Variants in SLC30A10 observed in about 807,000 individuals in gnomAD.
SLC30A10 encodes the protein solute carrier family 30 member 10, also known as calcium/manganese antiporter SLC30A10.
A neutral mutation model predicts 21.7 loss-of-function variants in SLC30A10; 8 were observed. The ratio of observed to expected loss-of-function variants is 0.37; its 90% CI spans 0.22 to 0.67. SLC30A10 has a LOEUF of 0.67. SLC30A10 is among the 30% of genes least tolerant of loss of function. The pLI, the probability that SLC30A10 is intolerant of heterozygous loss-of-function variation, is 0.58. For synonymous variants in SLC30A10, 272 were observed against 279.4 expected, an observed-to-expected ratio of 0.97 and a Z score of 0.26; for missense variants, 521 against 642.5, an observed-to-expected ratio of 0.81 and a Z score of 2.04.
chr1:219,922,589 C>T (rs1303535958), intron 2 of SLC30A10, among the ~76,000 whole-genome samples: 1 of 152,230 alleles, frequency 6.6e-6, no homozygotes, highest in East Asian at 1.9e-4. Flanking sequence ...GACGCTGTTG[C>T]TATGAGCCAA....
intron 1 of SLC30A10, among the ~76,000 whole-genome samples, chr1:219,951,066 T>A (rs906516310): frequency 1.3e-5 from 2 of 152,164 alleles, no homozygotes; most frequent in African/African-American, 4.8e-5. Context: ...GCTCAGGTGA[T>A]CCTCCCACCT....
upstream of SLC30A10, among the ~76,000 whole-genome samples, chr1:219,932,772 G>A (rs1053080776): frequency 7.1e-6 from 1 of 141,100 alleles, no homozygotes. Flanking sequence ...TTAAAAATGA[G>A]GTAGTGAGGC....
At chr1:219,928,587 A>C, upstream of SLC30A10, 4 of 616,356 alleles carry the variant, frequency 6.5e-6, no homozygotes, top group Non-Finnish European at 7.5e-6. The surrounding 1 kb of genome is among the most constrained non-coding windows in gnomAD (Gnocchi z 6.3). Flanking sequence ...ACCGCTTTTT[A>C]TAACGCGAGG....
At position 219,918,286 on chromosome 1, in the gene SLC30A10, C is replaced by G; in HGVS notation, c.927G>C (p.Met309Ile). ...IKETAAILLQ[M>I]VPKGVNMEEL... ...CTTCCATGTTGACTCCTTTTGGGAC[C>G]ATCTGTAGCAGAATGGCAGCGGTCT... Residue 309 changes from methionine to isoleucine, a missense_variant, in exon 3 of 4, where the codon ATG becomes ATC. By Grantham distance (10) the Met-to-Ile change is conservative. Transcript: ENST00000366926. This position sits in a 1 kb window ranked among gnomAD's most constrained non-coding sequence, Gnocchi z 4.4. 6.2e-7 allele frequency: 1 copy of G among 1,614,002 alleles called. No homozygotes were observed. The highest frequency in any genetic ancestry group is 1.1e-5 in the South Asian group (1 of 91,064).
At chr1:219,958,220 T>C (rs1336175458) in intron 1 of SLC30A10, among the ~76,000 whole-genome samples, 2 of 152,036 alleles carry the variant, frequency 1.3e-5, no homozygotes, top group Non-Finnish European at 2.9e-5. Context: ...TAAACAACAG[T>C]GAATCACTTA....
At chr1:219,937,239 C>T (rs1660058747) in intron 1 of SLC30A10, among the ~76,000 whole-genome samples, 1 of 152,156 alleles carries the variant, frequency 6.6e-6, no homozygotes. Context: ...TATTTGTCCT[C>T]AGGCTTTTTC....
At position 219,925,648 on chromosome 1, in the gene SLC30A10, TATA is replaced by T. The variant is rs1294618622; in HGVS notation, c.718+1377_718+1379del. Among the ~76,000 whole-genome samples, 220 of 64,352 alleles carry T rather than the reference TATA, an allele frequency of 3.4e-3. 2 individuals are homozygous for T. The highest frequency in any genetic ancestry group is 0.011 in the African/African-American group (139 of 12,894). The allele number at this position is 64,352 out of a possible 152,430, so 42.2% of individuals were successfully genotyped here. On this transcript the variant is annotated intron_variant, in intron 2 of 3. Transcript: ENST00000366926. ...GTGTGTGTACATATATATATATATATATATTTTTTTTTTTTTTTTTTTTTTGAG... is the reference window on the plus strand; with the variant it reads ...GTGTGTGTACATATATATATATATATTTTTTTTTTTTTTTTTTTTTTTGAG...
rs1659590435 is a variant in SLC30A10 at position 219,918,122 on chromosome 1, A to G, written c.958+133T>C. On this transcript the variant is annotated intron_variant, in intron 3 of 3. Coordinates refer to ENST00000366926, the MANE Select transcript of SLC30A10 (RefSeq NM_018713.3). The surrounding 1 kb of genome is among the most constrained non-coding windows in gnomAD (Gnocchi z 4.4). ...TTAATAGGCTATAAAACATATGATG[A>G]CATCTCTACCACCTGGTGATTTAAG... 8.5e-7 allele frequency: 1 copy of G among 1,182,022 alleles called. No individual in the cohort carries two copies. The allele number at this position is 1,182,022 out of a possible 1,614,324, so 73.2% of individuals were successfully genotyped here.
At chr1:219,927,234 C>T (rs1238602136) in intron 1 of SLC30A10, 129 bp from the exon 2 acceptor site, 9 of 887,704 alleles carry the variant, frequency 1.0e-5, no homozygotes, top group Middle Eastern at 3.2e-4. Flanking sequence ...TTCTGCACAC[C>T]CACAGCTCAG....
At chr1:219,940,483 G>A (rs1660106445) in intron 1 of SLC30A10, among the ~76,000 whole-genome samples, 1 of 152,086 alleles carries the variant, frequency 6.6e-6, no homozygotes, top group Non-Finnish European at 1.5e-5. Context: ...TAAAACAATT[G>A]CTATTTTATG....
intron 2 of SLC30A10, among the ~76,000 whole-genome samples, chr1:219,919,725 G>A (rs1454099741): frequency 2.0e-5 from 3 of 150,028 alleles, no homozygotes; most frequent in South Asian, 2.1e-4. Context: ...GCAGTGAGCC[G>A]AGATAGTGCC....
chr1:219,922,414 T>G (rs1659718982), intron 2 of SLC30A10, among the ~76,000 whole-genome samples: 1 of 151,572 alleles, frequency 6.6e-6, no homozygotes, highest in Non-Finnish European at 1.5e-5. Context: ...AGGTAGGTAA[T>G]TTGGGCAGGA....
Position 219,927,675 on chromosome 1 carries a change from CAACA to C in SLC30A10, c.640+122_640+125del, listed in dbSNP as rs1255249150. ...AAAAAAAAAAAAAAAAAAACAACAA[CAACA>C]AAAAAAAAAAAACAGAAAAAAAGCA... On this transcript the variant is annotated intron_variant, in intron 1 of 3. Transcript: ENST00000366926. The C allele has an allele frequency of 3.2e-5, 13 of 404,688 alleles. No individual in the cohort carries two copies. In the African/African-American group the frequency reaches 3.5e-4, roughly 11 times the overall value. The allele number at this position is 404,688 out of a possible 1,614,324, so 25.1% of individuals were successfully genotyped here. A position where few individuals can be genotyped will look rare whatever the true frequency, so the allele number is the denominator to read the frequency against.
intron 1 of SLC30A10, among the ~76,000 whole-genome samples, chr1:219,943,826 G>A (rs113727295): frequency 4.7e-4 from 71 of 152,280 alleles, no homozygotes; most frequent in African/African-American, 5.3e-4. Context: ...GAGGCCAGGC[G>A]CGGTGGCTCA....
intron 2 of SLC30A10, among the ~76,000 whole-genome samples, chr1:219,922,469 C>G (rs1292671487): frequency 6.6e-6 from 1 of 151,866 alleles, no homozygotes; most frequent in Non-Finnish European, 1.5e-5. Flanking sequence ...CAGGAGAAGG[C>G]ATTTCAGACA....
intron 1 of SLC30A10, 64 bp downstream of exon 1, chr1:219,927,737 A>AT (rs1220304763): frequency 7.1e-7 from 1 of 1,408,464 alleles, no homozygotes; most frequent in East Asian, 3.0e-5. Flanking sequence ...GGGTGAGAAG[A>AT]AAGGGACCGG....
At chr1:219,934,845 GT>G (rs1344990143) in intron 1 of SLC30A10, among the ~76,000 whole-genome samples, 2 of 152,156 alleles carry the variant, frequency 1.3e-5, no homozygotes, top group Admixed American at 1.3e-4. Flanking sequence ...ACTGCTCTCT[GT>G]GTTTCTTACC....
chr1:219,948,811 C>T (rs1307886208), intron 1 of SLC30A10, among the ~76,000 whole-genome samples: 1 of 152,138 alleles, frequency 6.6e-6, no homozygotes, highest in Admixed American at 6.5e-5. Flanking sequence ...AAACTACCAT[C>T]AGAGTGAACA....
In SLC30A10 at chr1:219,918,612, G is replaced by A; in HGVS notation, c.719-118C>T. 1.5e-6 allele frequency: 2 copies of A among 1,351,600 alleles called. No homozygotes were observed. Among genetic ancestry groups the A allele is most frequent in the Non-Finnish European group, 2.0e-6 (2 of 1,006,676 alleles). The allele number at this position is 1,351,600 out of a possible 1,614,324, so 83.7% of individuals were successfully genotyped here. On this transcript the variant is annotated intron_variant, in intron 2 of 3. Coordinates refer to ENST00000366926, the MANE Select transcript of SLC30A10 (RefSeq NM_018713.3). The surrounding 1 kb of genome is among the most constrained non-coding windows in gnomAD (Gnocchi z 4.4). ...TACCATTTGGAGTTTTTTGGTTTTTGTTTTGGTTAGAACAGTAGGATGAAT... is the reference window on the plus strand; with the variant it reads ...TACCATTTGGAGTTTTTTGGTTTTTATTTTGGTTAGAACAGTAGGATGAAT...
Sources: gnomAD v4.1 joint callset for allele counts (sites outside exome capture counted in the v4.1 genomes callset) on GRCh38, gnomAD v4.1.1 for gene constraint, Gnocchi (gnomAD v3.1) non-coding constraint, MANE v1.5 for transcripts, NCBI Gene and HGNC (gene_info 2026-07-23, HGNC 2026-07-21) for gene names.